The following SPHKAP variants were observed in gnomAD, a reference collection of about 807,000 sequenced individuals.
SPHKAP encodes SPHK1 interactor, AKAP domain containing.
In SPHKAP, 67 loss-of-function variants were observed where a neutral mutation model predicts 137.5. The ratio of observed to expected loss-of-function variants is 0.49; its 90% CI spans 0.40 to 0.60. The LOEUF (loss-of-function observed/expected upper bound fraction) is 0.60. Among genes scored for constraint, SPHKAP ranks in the 20% least tolerant of loss-of-function variants. The pLI, the probability that SPHKAP is intolerant of heterozygous loss-of-function variation, is 0.00. For missense variants in SPHKAP, 2,097 were observed against 2,069.3 expected (o/e 1.01, Z -0.26); for synonymous variants, 813 against 785.3 (o/e 1.04, Z -0.59).
chr2:228,099,851 TTTTG>T (rs1034649488), intron 3 of SPHKAP, among the ~76,000 whole-genome samples: 5 of 65,178 alleles, frequency 7.7e-5, no homozygotes, highest in South Asian at 6.1e-4. Flanking sequence ...ACTGATTTTT[TTTTG>T]TTTGTTTTTT....
rs1423173568 is a variant in SPHKAP, at chr2:228,052,074, T to C, written c.247-24531A>G. ...CCAATAAGTATTTTTCTCTATTTTC[T>C]GTTTCAATATAATAAAAGGTGGTGT... On this transcript the variant is annotated intron_variant, in intron 3 of 11. Transcript: ENST00000392056. Among the ~76,000 whole-genome samples, 4 of 152,122 alleles carry C rather than the reference T, an allele frequency of 2.6e-5. No homozygotes were observed. In the East Asian group the frequency reaches 7.7e-4, roughly 29 times the overall value.
Position 227,991,105 on chromosome 2 carries a change from C to G in SPHKAP, c.4854G>C (p.Glu1618Asp). Reference sequence around the variant, plus strand: ...TGGCTCGGAGCTCGGCATCTGGACACTCTGGCTCCAGGTCAAAGTTGATCA... The same window carrying G: ...TGGCTCGGAGCTCGGCATCTGGACAGTCTGGCTCCAGGTCAAAGTTGATCA... ...LLVINFDLEP[E>D]CPDAELRATL... Residue 1618 changes from glutamate to aspartate, a missense_variant, in exon 11 of 12, where the codon GAG becomes GAC. Transcript: ENST00000392056. 6.2e-7 allele frequency: 1 copy of G among 1,614,130 alleles called. No individual in the cohort carries two copies. The highest frequency in any genetic ancestry group is 1.1e-5 in the South Asian group (1 of 91,082).
intron 3 of SPHKAP, among the ~76,000 whole-genome samples, chr2:228,052,288 G>T (rs1461918611): frequency 6.6e-6 from 1 of 152,012 alleles, no homozygotes; most frequent in African/African-American, 2.4e-5. Flanking sequence ...TAGAACATTG[G>T]AAATAGAGGG....
At chr2:228,131,848 A>G in intron 2 of SPHKAP, 132 bp downstream of exon 2, 1 of 1,412,132 alleles carries the variant, frequency 7.1e-7, no homozygotes, top group Non-Finnish European at 9.4e-7. Context: ...CTTACTTGGG[A>G]AAGCAAACCG....
intron 1 of SPHKAP, among the ~76,000 whole-genome samples, chr2:228,155,625 A>T (rs1369079564): frequency 6.6e-6 from 1 of 152,152 alleles, no homozygotes; most frequent in Non-Finnish European, 1.5e-5. Flanking sequence ...CAATATAGCC[A>T]TTGGCATAGC....
chr2:227,981,661 A>T lies in SPHKAP; in HGVS notation c.*56T>A. 1 of 1,565,148 alleles carries T rather than the reference A, an allele frequency of 6.4e-7. No homozygotes were observed. The highest frequency in any genetic ancestry group is 8.6e-7 in the Non-Finnish European group (1 of 1,158,838). Reference sequence around the variant, plus strand: ...ATGTTTAGAGCATTTAGAACAAACCACTGTAATCTAAGTTGGAATAAAGGG... The same window carrying T: ...ATGTTTAGAGCATTTAGAACAAACCTCTGTAATCTAAGTTGGAATAAAGGG... On this transcript the variant is annotated 3_prime_UTR_variant, in exon 12 of 12. Transcript: ENST00000392056.
chr2:228,017,842 C>G lies in SPHKAP; in HGVS notation c.3012G>C (p.Lys1004Asn), dbSNP rs1195807962. Residue 1004 changes from lysine to asparagine, a missense_variant, in exon 7 of 12, where the codon AAG (lysine) becomes AAC (asparagine). Physicochemically the swap from Lys to Asn is moderately conservative, Grantham distance 94. Transcript: ENST00000392056. ...KHKPPRLSEI[K>N]RKTDEHPELK... ...GCTCAGGGTGCTCGTCCGTCTTCCT[C>G]TTGATCTCACTGAGCCGGGGAGGCT... 5.0e-6 allele frequency: 8 copies of G among 1,614,080 alleles called. No individual in the cohort carries two copies. The highest frequency in any genetic ancestry group is 5.9e-6 in the Non-Finnish European group (7 of 1,179,998).
At chr2:228,105,970 G>A (rs1190746683) in intron 3 of SPHKAP, among the ~76,000 whole-genome samples, 1 of 152,156 alleles carries the variant, frequency 6.6e-6, no homozygotes, top group Non-Finnish European at 1.5e-5. Flanking sequence ...GGGCTTCTGA[G>A]CCAGACTTCC....
chr2:227,989,624 G>A (rs1374193594), intron 11 of SPHKAP, among the ~76,000 whole-genome samples: 2 of 151,990 alleles, frequency 1.3e-5, no homozygotes, highest in East Asian at 3.9e-4. Context: ...ATTCTTTTTT[G>A]AGACAATGTC....
At chr2:228,139,924 T>G (rs553150138) in intron 1 of SPHKAP, among the ~76,000 whole-genome samples, 2 of 149,774 alleles carry the variant, frequency 1.3e-5, no homozygotes, top group Admixed American at 1.4e-4. Flanking sequence ...CTTTCTTTCT[T>G]TCTTTCTTTC....
chr2:227,995,942 C>T, intron 7 of SPHKAP: 1 of 984,662 alleles, frequency 1.0e-6, no homozygotes, highest in South Asian at 4.7e-5. Context: ...ATTTGAAAAA[C>T]AGGTTGAATG....
chr2:228,160,800 T>G (rs150130038), intron 1 of SPHKAP, among the ~76,000 whole-genome samples: 68 of 152,378 alleles, frequency 4.5e-4, no homozygotes, highest in African/African-American at 1.5e-3. Flanking sequence ...TTCAGTGCTC[T>G]GAACTCAGTG....
intron 3 of SPHKAP, among the ~76,000 whole-genome samples, chr2:228,031,437 G>A (rs1182374027): frequency 6.6e-6 from 1 of 152,224 alleles, no homozygotes; most frequent in African/African-American, 2.4e-5. Context: ...TCCACCTCTG[G>A]GGGCAGGGCA....
chr2:228,164,646 C>A (rs1395992613), intron 1 of SPHKAP, among the ~76,000 whole-genome samples: 1 of 152,202 alleles, frequency 6.6e-6, no homozygotes, highest in East Asian at 1.9e-4. Flanking sequence ...GAGGAATACC[C>A]AATGGTCCCC....
At chr2:228,049,243 A>G (rs1696171009) in intron 3 of SPHKAP, among the ~76,000 whole-genome samples, 1 of 152,230 alleles carries the variant, frequency 6.6e-6, no homozygotes, top group Non-Finnish European at 1.5e-5. Flanking sequence ...ACACTTATCA[A>G]TGTATGTTTA....
At chr2:228,011,625 A>T (rs1234048114) in intron 7 of SPHKAP, among the ~76,000 whole-genome samples, 1 of 152,098 alleles carries the variant, frequency 6.6e-6, no homozygotes, top group African/African-American at 2.4e-5. Context: ...TCTCCAGATA[A>T]GGGTTCTTAG....
intron 2 of SPHKAP, among the ~76,000 whole-genome samples, chr2:228,113,921 T>C (rs572824223): frequency 2.6e-4 from 40 of 152,112 alleles, no homozygotes; most frequent in Non-Finnish European, 4.7e-4. Context: ...CTTAGCATCA[T>C]ATATAAAGCA....
chr2:228,046,546 A>C (rs889801272), intron 3 of SPHKAP, among the ~76,000 whole-genome samples: 4 of 152,134 alleles, frequency 2.6e-5, no homozygotes, highest in Admixed American at 2.6e-4. Flanking sequence ...GCTTGCCAAC[A>C]CTTCATATTC....
At chr2:228,115,706 G>A (rs1698688783) in intron 2 of SPHKAP, among the ~76,000 whole-genome samples, 1 of 152,110 alleles carries the variant, frequency 6.6e-6, no homozygotes, top group Non-Finnish European at 1.5e-5. Context: ...AGGGAGCATT[G>A]AAGTACACAC....
Sources: gnomAD v4.1 joint callset for allele counts (sites outside exome capture counted in the v4.1 genomes callset) on GRCh38, gnomAD v4.1.1 for gene constraint, MANE v1.5 for transcripts, NCBI Gene and HGNC (gene_info 2026-07-23, HGNC 2026-07-21) for gene names.